The following ROR2 variants were observed in gnomAD, a reference collection of about 807,000 sequenced individuals.
ROR2 encodes ROR family WNT receptor 2.
Under a neutral mutation model 74.9 loss-of-function variants are expected in ROR2, and 33 were observed. The ratio of observed to expected loss-of-function variants is 0.44; its 90% CI spans 0.33 to 0.59. ROR2 has a LOEUF of 0.59. Ranked by LOEUF, ROR2 falls within the 20% of genes least tolerant of loss-of-function variation. The pLI, the probability that ROR2 is intolerant of heterozygous loss-of-function variation, is 0.02. For missense variants in ROR2, 1,216 were observed against 1,313.8 expected, an observed-to-expected ratio of 0.93 and a Z score of 1.15; for synonymous variants, 586 against 558.7, an observed-to-expected ratio of 1.05 and a Z score of -0.69.
At chr9:91,849,047 TC>T (rs1829019979) in intron 1 of ROR2, among the ~76,000 whole-genome samples, 1 of 151,874 alleles carries the variant, frequency 6.6e-6, no homozygotes, top group Non-Finnish European at 1.5e-5. Flanking sequence ...CCCTCCATCA[TC>T]CCATCCGAAC....
intron 2 of ROR2, among the ~76,000 whole-genome samples, chr9:91,765,920 G>C (rs1459857459): frequency 6.6e-6 from 1 of 152,194 alleles, no homozygotes; most frequent in Non-Finnish European, 1.5e-5. Context: ...AACCAAGCTA[G>C]ATTTTTCTCC....
intron 1 of ROR2, among the ~76,000 whole-genome samples, chr9:91,797,065 C>T (rs1171909751): frequency 1.8e-5 from 1 of 56,752 alleles, no homozygotes; most frequent in Non-Finnish European, 3.3e-5. Flanking sequence ...GCTCTGTGGG[C>T]GGGGCTGACA....
chr9:91,819,680 A>AGTG (rs1378239029), intron 1 of ROR2, among the ~76,000 whole-genome samples: 3 of 5,086 alleles, frequency 5.9e-4, no homozygotes, highest in East Asian at 6.3e-3. Context: ...GTGTCTGTGT[A>AGTG]TCTGTCTTTG....
intron 4 of ROR2, among the ~76,000 whole-genome samples, chr9:91,745,123 T>C (rs996963409): frequency 6.6e-5 from 10 of 151,282 alleles, no homozygotes; most frequent in Non-Finnish European, 1.3e-4. Context: ...TTATTAATTA[T>C]ATTATATATA....
chr9:91,862,969 G>A (rs927582142), intron 1 of ROR2, among the ~76,000 whole-genome samples: 2 of 152,198 alleles, frequency 1.3e-5, no homozygotes, highest in Non-Finnish European at 2.9e-5. Flanking sequence ...ATGAAGAAAT[G>A]TTCAACATCA....
At chr9:91,807,716 A>G (rs1827612910) in intron 1 of ROR2, among the ~76,000 whole-genome samples, 1 of 152,080 alleles carries the variant, frequency 6.6e-6, no homozygotes, top group African/African-American at 2.4e-5. Flanking sequence ...TATGTGCACA[A>G]AAATCTCCAC....
intron 2 of ROR2, among the ~76,000 whole-genome samples, chr9:91,760,694 T>C (rs1348847231): frequency 6.6e-6 from 1 of 152,112 alleles, no homozygotes; most frequent in African/African-American, 2.4e-5. Context: ...ATTCTCAATT[T>C]CATTGCTACT....
At chr9:91,809,439 C>T (rs1354056198) in intron 1 of ROR2, among the ~76,000 whole-genome samples, 2 of 152,196 alleles carry the variant, frequency 1.3e-5, no homozygotes. Flanking sequence ...TGCAAATGGC[C>T]ACATTCATTT....
At position 91,733,469 on chromosome 9, in the gene ROR2, G is replaced by T. The variant is rs779339093; in HGVS notation, c.623-33C>A. Reference sequence around the variant, plus strand: ...GCCCGCGAGACTCGCGTTAGCGGGGGACCCACCTTGCGCCCTTGACATTCA... The same window carrying T: ...GCCCGCGAGACTCGCGTTAGCGGGGTACCCACCTTGCGCCCTTGACATTCA... On this transcript the variant is annotated intron_variant, in intron 5 of 8. Coordinates refer to ENST00000375708, the MANE Select transcript of ROR2 (RefSeq NM_004560.4). This position sits in a 1 kb window ranked among gnomAD's most constrained non-coding sequence, Gnocchi z 5.7. The T allele has an allele frequency of 2.5e-6, 4 of 1,594,666 alleles. No homozygotes were observed. Among genetic ancestry groups the T allele is most frequent in the African/African-American group, 2.7e-5 (2 of 74,632 alleles).
At chr9:91,855,383 G>C (rs1211863591) in intron 1 of ROR2, among the ~76,000 whole-genome samples, 1 of 152,234 alleles carries the variant, frequency 6.6e-6, no homozygotes, top group Non-Finnish European at 1.5e-5. Flanking sequence ...GAGAGATCAG[G>C]GCACGGCGTT....
chr9:91,824,100 T>C (rs995616859), intron 1 of ROR2, among the ~76,000 whole-genome samples: 4 of 152,234 alleles, frequency 2.6e-5, no homozygotes, highest in Non-Finnish European at 5.9e-5. Context: ...GTGCCGACGA[T>C]AGAATCTGCC....
chr9:91,802,459 C>A (rs1034712039), intron 1 of ROR2, among the ~76,000 whole-genome samples: 11 of 152,166 alleles, frequency 7.2e-5, no homozygotes, highest in African/African-American at 2.4e-4. Flanking sequence ...CCTGCCCAGT[C>A]TCAACTGCAG....
Position 91,726,707 on chromosome 9 carries a change from A to T in ROR2, c.1220T>A (p.Ile407Asn). ...TGGAATTGCGATGCTGGGGACCAAGATGTACAGAATCCCCATCTTGCTGCT... is the reference window on the plus strand; with the variant it reads ...TGGAATTGCGATGCTGGGGACCAAGTTGTACAGAATCCCCATCTTGCTGCT... ...RDSSKMGILY[I>N]LVPSIAIPLV... Residue 407 changes from isoleucine (I) to asparagine (N), a missense_variant, in exon 8 of 9, where the codon ATC becomes AAC. Physicochemically the swap from Ile to Asn is moderately radical, Grantham distance 149 (BLOSUM62 -3). Transcript: ENST00000375708. The T allele has an allele frequency of 6.2e-7, 1 of 1,614,062 alleles. No homozygotes were observed. Among genetic ancestry groups the T allele is most frequent in the East Asian group, 2.2e-5 (1 of 44,866 alleles).
intron 1 of ROR2, among the ~76,000 whole-genome samples, chr9:91,910,103 G>A (rs949173374): frequency 9.3e-5 from 14 of 150,758 alleles, no homozygotes; most frequent in African/African-American, 3.4e-4. Context: ...CTTGTGATCC[G>A]CCCACCTCAG....
At chr9:91,885,797 A>G (rs536944739) in intron 1 of ROR2, among the ~76,000 whole-genome samples, 1 of 152,308 alleles carries the variant, frequency 6.6e-6, no homozygotes, top group African/African-American at 2.4e-5. Flanking sequence ...AAACTCATGA[A>G]ATAAACAGGA....
intron 1 of ROR2, among the ~76,000 whole-genome samples, chr9:91,846,678 T>C (rs1311248494): frequency 6.6e-6 from 1 of 151,986 alleles, no homozygotes; most frequent in African/African-American, 2.4e-5. Flanking sequence ...GGATTTCAAG[T>C]TTCGAGTCTT....
In ROR2 at chr9:91,733,046, G is replaced by A. The variant is rs1464218038; in HGVS notation, c.937+76C>T. 12 of 1,404,898 alleles carry A rather than the reference G, an allele frequency of 8.5e-6. No homozygotes were observed. The highest frequency in any genetic ancestry group is 5.0e-5 in the South Asian group (4 of 79,562). The allele number at this position is 1,404,898 out of a possible 1,614,324, so 87.0% of individuals were successfully genotyped here. On this transcript the variant is annotated intron_variant, in intron 6 of 8. Coordinates refer to ENST00000375708, the MANE Select transcript of ROR2 (RefSeq NM_004560.4). The surrounding 1 kb of genome is among the most constrained non-coding windows in gnomAD (Gnocchi z 5.7). ...CAGATGGGGCTCCCTGGGCTTCACC[G>A]ACACCCCCATACACATTTCAAGGGC...
chr9:91,855,433 G>A (rs541173864), intron 1 of ROR2, among the ~76,000 whole-genome samples: 3 of 152,304 alleles, frequency 2.0e-5, no homozygotes, highest in South Asian at 2.1e-4. Flanking sequence ...AGGCGAGGTC[G>A]GGAGATCATG....
chr9:91,750,766 T>C (rs1397698205), intron 4 of ROR2, among the ~76,000 whole-genome samples: 3 of 152,048 alleles, frequency 2.0e-5, no homozygotes, highest in Admixed American at 6.5e-5. Context: ...CGAGTGTTGA[T>C]TTGGGGGACA....
Sources: allele counts gnomAD v4.1 joint callset (sites outside exome capture counted in the v4.1 genomes callset), GRCh38; gene constraint gnomAD v4.1.1; non-coding constraint Gnocchi (gnomAD v3.1); transcripts MANE v1.5; gene names NCBI Gene and HGNC (gene_info 2026-07-23, HGNC 2026-07-21).